The following GSE1 variants were observed in gnomAD, a reference collection of about 807,000 sequenced individuals.
GSE1 encodes genetic suppressor element 1.
In GSE1, 32 loss-of-function variants were observed where a neutral mutation model predicts 112.6. The observed-to-expected ratio is 0.28, with a 90% confidence interval of 0.21 to 0.38. GSE1 has a LOEUF of 0.38. Ranked by LOEUF, GSE1 falls within the 10% of genes least tolerant of loss-of-function variation. The pLI is 1.00. For missense variants in GSE1, 2,348 were observed against 1,699.2 expected (o/e 1.38, Z -6.71); for synonymous variants, 1,115 against 735.6 (o/e 1.52, Z -8.35).
At chr16:85,557,777 T>TAA (rs34691147) in intron 1 of GSE1, among the ~76,000 whole-genome samples, 28 of 138,762 alleles carry the variant, frequency 2.0e-4, no homozygotes, top group African/African-American at 6.3e-4. Flanking sequence ...CCAACTGACT[T>TAA]AAAAAAAAAA....
chr16:85,318,140 G>A (rs777724830), intron 1 of GSE1, among the ~76,000 whole-genome samples: 1 of 152,180 alleles, frequency 6.6e-6, no homozygotes, highest in Non-Finnish European at 1.5e-5. Context: ...GGCCAGGGAT[G>A]CGGTGCCCAC....
chr16:85,309,532 G>A (rs566240702), intron 1 of GSE1, among the ~76,000 whole-genome samples: 8 of 151,524 alleles, frequency 5.3e-5, no homozygotes, highest in African/African-American at 1.9e-4. Context: ...AAGAAGAACC[G>A]GGTGAGATTA....
intron 1 of GSE1, among the ~76,000 whole-genome samples, chr16:85,342,904 G>A (rs916535102): frequency 2.0e-5 from 3 of 151,206 alleles, no homozygotes; most frequent in Admixed American, 6.6e-5. Flanking sequence ...AGCCATTTGT[G>A]CATGAAGAGG....
chr16:85,593,674 C>G (rs1346770246), intron 1 of GSE1: 2 of 150,894 alleles, frequency 1.3e-5, no homozygotes, highest in African/African-American at 4.9e-5. Flanking sequence ...TGTCTAATCT[C>G]CAATTTTATT....
intron 1 of GSE1, among the ~76,000 whole-genome samples, chr16:85,616,621 G>A (rs2048388025): frequency 6.6e-6 from 1 of 152,058 alleles, no homozygotes; most frequent in Non-Finnish European, 1.5e-5. Context: ...TTTTTAACCT[G>A]CAGAGATCCA....
chr16:85,250,126 C>T (rs1382835587), intron 1 of GSE1, among the ~76,000 whole-genome samples: 4 of 152,216 alleles, frequency 2.6e-5, no homozygotes, highest in South Asian at 2.1e-4. Flanking sequence ...CTCCTAGTTT[C>T]GTCCACCAAC....
intron 2 of GSE1, among the ~76,000 whole-genome samples, chr16:85,449,016 G>A (rs2049592866): frequency 6.6e-6 from 1 of 152,196 alleles, no homozygotes; most frequent in Non-Finnish European, 1.5e-5. Context: ...AGGCCTCTCA[G>A]GCGTCAATAT....
At chr16:85,340,445 G>T (rs1267007479) in intron 1 of GSE1, among the ~76,000 whole-genome samples, 1 of 152,172 alleles carries the variant, frequency 6.6e-6, no homozygotes, top group Non-Finnish European at 1.5e-5. Flanking sequence ...TTCGAAACCA[G>T]CCTGGCCAAC....
Position 85,388,180 on chromosome 16 carries a change from GTGGA to G in GSE1, c.2464+30558_2464+30561del, listed in dbSNP as rs1192902663. 9.6e-4 allele frequency among the ~76,000 whole-genome samples: 140 copies of G among 146,454 alleles called. 1 individual carries two copies. The highest frequency in any genetic ancestry group is 3.5e-3 in the Middle Eastern group (1 of 284). On this transcript the variant is annotated intron_variant, in intron 2 of 2. Transcript: ENST00000637419. ...AATGGGTGAGTGGGTGGATGGGTGGGTGGATGGATGGATGGATGGATGGAGGGAT... is the reference window on the plus strand; with the variant it reads ...AATGGGTGAGTGGGTGGATGGGTGGGTGGATGGATGGATGGATGGAGGGAT...
intron 3 of GSE1, among the ~76,000 whole-genome samples, chr16:85,652,348 G>C (rs1177953572): frequency 6.6e-6 from 1 of 152,238 alleles, no homozygotes; most frequent in Non-Finnish European, 1.5e-5. Context: ...GAGACCCCAA[G>C]GCCAGGCGCT....
chr16:85,408,801 C>T (rs376832638), intron 2 of GSE1, among the ~76,000 whole-genome samples: 142 of 41,590 alleles, frequency 3.4e-3, no homozygotes, highest in African/African-American at 5.8e-3. Flanking sequence ...TAATCCTCAC[C>T]GTTGCACTCA....
At chr16:85,347,002 C>G (rs1244768007) in intron 1 of GSE1, among the ~76,000 whole-genome samples, 2 of 152,078 alleles carry the variant, frequency 1.3e-5, no homozygotes, top group South Asian at 2.1e-4. Flanking sequence ...CTGAGCTGAA[C>G]CAAATAACGT....
At chr16:85,299,775 A>G (rs1174674177) in intron 1 of GSE1, among the ~76,000 whole-genome samples, 1 of 152,048 alleles carries the variant, frequency 6.6e-6, no homozygotes, top group Non-Finnish European at 1.5e-5. Flanking sequence ...AAAAAATTTT[A>G]AAAATAAGAA....
intron 1 of GSE1, among the ~76,000 whole-genome samples, chr16:85,246,617 C>T (rs1008656702): frequency 7.9e-5 from 12 of 151,120 alleles, no homozygotes; most frequent in South Asian, 2.1e-4. Flanking sequence ...AGAAATGAGG[C>T]GCTTTGCAGG....
At chr16:85,331,395 G>GTATA (rs1597407855) in intron 1 of GSE1, among the ~76,000 whole-genome samples, 8 of 62,170 alleles carry the variant, frequency 1.3e-4, no homozygotes, top group Admixed American at 3.7e-4. Context: ...ATATATATGT[G>GTATA]TATATATGTA....
At chr16:85,659,073 G>C (rs537557487) in intron 8 of GSE1, among the ~76,000 whole-genome samples, 1 of 152,222 alleles carries the variant, frequency 6.6e-6, no homozygotes, top group Non-Finnish European at 1.5e-5. Flanking sequence ...TTATTCTCCT[G>C]CAGGTTTCAT....
At chr16:85,366,316 C>A (rs2047184612) in intron 2 of GSE1, among the ~76,000 whole-genome samples, 2 of 152,238 alleles carry the variant, frequency 1.3e-5, no homozygotes, top group Non-Finnish European at 2.9e-5. Context: ...ACAAGAGCCC[C>A]CCTTCCCTGG....
intron 1 of GSE1, among the ~76,000 whole-genome samples, chr16:85,623,269 C>T (rs1053398340): frequency 5.4e-5 from 8 of 149,132 alleles, no homozygotes; most frequent in Non-Finnish European, 1.0e-4. Flanking sequence ...CATTGCAGTG[C>T]AGTCGCGCAA....
intron 1 of GSE1, among the ~76,000 whole-genome samples, chr16:85,275,731 C>T (rs1429161556): frequency 3.3e-5 from 5 of 152,190 alleles, no homozygotes; most frequent in Admixed American, 1.3e-4. Flanking sequence ...CGCGTGGGGC[C>T]CTGGACCCAG....
Sources: gnomAD v4.1 joint callset for allele counts (sites outside exome capture counted in the v4.1 genomes callset) on GRCh38, gnomAD v4.1.1 for gene constraint, MANE v1.5 for transcripts, NCBI Gene and HGNC (gene_info 2026-07-23, HGNC 2026-07-21) for gene names.